CACNA1C: variants seen among roughly 807,000 people sequenced by gnomAD.
CACNA1C encodes calcium voltage-gated channel subunit alpha1 C.
Under a neutral mutation model 229.0 loss-of-function variants are expected in CACNA1C, and 30 were observed. The observed-to-expected ratio is 0.13, with a 90% confidence interval of 0.10 to 0.18. CACNA1C has a LOEUF of 0.18. Among genes scored for constraint, CACNA1C ranks in the 10% least tolerant of loss-of-function variants. The probability of loss-of-function intolerance (pLI) is 1.00; values close to 1 mark genes in which losing one functional copy is unlikely to be tolerated. For synonymous variants in CACNA1C, 1,114 were observed against 1,132.5 expected (o/e 0.98, Z 0.33); for missense variants, 1,658 against 2,845.0 (o/e 0.58, Z 9.49).
chr12:2,267,739 G>A (rs1238691549), intron 3 of CACNA1C, among the ~76,000 whole-genome samples: 4 of 152,144 alleles, frequency 2.6e-5, no homozygotes, highest in Non-Finnish European at 4.4e-5. Context: ...TCAGCTTCCC[G>A]CCCTCTCTGA....
chr12:2,034,607 A>C lies in CACNA1C; in HGVS notation c.139+63406A>C, dbSNP rs2048776727. Among the ~76,000 whole-genome samples the C allele has an allele frequency of 6.6e-6, 1 of 152,196 alleles. No individual in the cohort carries two copies. The highest frequency in any genetic ancestry group is 2.4e-5 in the African/African-American group (1 of 41,450). ...CTTCCCCAGCACACAGCTCAAAGAG[A>C]AGGCCAGTGTAATATGCTGGTTCAA... On this transcript the variant is annotated intron_variant, in intron 1 of 46. Transcript: ENST00000682462. This position sits in a 1 kb window ranked among gnomAD's most constrained non-coding sequence, Gnocchi z 4.1.
At chr12:2,401,044 C>T (rs532828119) in intron 3 of CACNA1C, among the ~76,000 whole-genome samples, 3 of 152,346 alleles carry the variant, frequency 2.0e-5, no homozygotes, top group Non-Finnish European at 2.9e-5. Context: ...TAGAAGCCCC[C>T]CAAGGCTTGG....
chr12:2,651,819 G>A lies in CACNA1C; in HGVS notation c.4074+51G>A, dbSNP rs897895972. ...CCGGGGAATCGCAGGGCTGCCGCGT[G>A]GCCCAGAACACAGCTGACACAAGGA... On this transcript the variant is annotated intron_variant, in intron 32 of 46. Coordinates refer to ENST00000399655, the MANE Select transcript of CACNA1C (RefSeq NM_000719.7). The surrounding 1 kb of genome is among the most constrained non-coding windows in gnomAD (Gnocchi z 5.4). 2 of 1,447,696 alleles carry A rather than the reference G, an allele frequency of 1.4e-6. No individual in the cohort carries two copies. The highest frequency in any genetic ancestry group is 2.8e-5 in the African/African-American group (2 of 71,900). 89.7% of individuals were successfully genotyped at this position (1,447,696 alleles called of 1,614,324 possible).
chr12:2,394,101 T>C (rs1196970916), intron 3 of CACNA1C, among the ~76,000 whole-genome samples: 1 of 136,478 alleles, frequency 7.3e-6, no homozygotes, highest in Non-Finnish European at 1.6e-5. Context: ...CAAGACCCTG[T>C]CTCTAAACAA....
intron 1 of CACNA1C, among the ~76,000 whole-genome samples, chr12:2,058,173 C>T (rs1247097240): frequency 2.6e-5 from 4 of 151,802 alleles, no homozygotes; most frequent in African/African-American, 9.7e-5. Context: ...TCTGAGAAGC[C>T]CTTGGCACTG....
chr12:2,112,219 G>A (rs2082038334), intron 1 of CACNA1C, among the ~76,000 whole-genome samples: 1 of 152,210 alleles, frequency 6.6e-6, no homozygotes, highest in Admixed American at 6.5e-5. Flanking sequence ...CATGCTTGCT[G>A]GGTGTTCAAG....
In CACNA1C at chr12:2,287,403, A is replaced by G. The variant is rs1401529791; in HGVS notation, c.478-161573A>G. Among the ~76,000 whole-genome samples the G allele has an allele frequency of 6.6e-6, 1 of 152,188 alleles. No homozygotes were observed. The highest frequency in any genetic ancestry group is 2.4e-5 in the African/African-American group (1 of 41,446). On this transcript the variant is annotated intron_variant, in intron 3 of 46. Transcript: ENST00000399655. The surrounding 1 kb of genome is among the most constrained non-coding windows in gnomAD (Gnocchi z 4.6). The stretch of plus-strand genomic sequence containing the variant: ...GTTCCAGAGAAATGAGGGAATGAGA[A>G]TGAACGTGGCTGCTCGTGTGTTCCG...
chr12:2,453,339 T>G (rs2099395851), intron 4 of CACNA1C, among the ~76,000 whole-genome samples: 1 of 152,160 alleles, frequency 6.6e-6, no homozygotes. Context: ...ATAAGTCACT[T>G]AAGAGCTCAA....
chr12:2,119,092 C>T (rs1164837645), intron 2 of CACNA1C, among the ~76,000 whole-genome samples: 3 of 152,148 alleles, frequency 2.0e-5, no homozygotes, highest in South Asian at 4.1e-4. Flanking sequence ...ACTTGGTGAT[C>T]GGGAAATCCG....
chr12:1,975,953 T>C (rs1366438009), intron 1 of CACNA1C, among the ~76,000 whole-genome samples: 1 of 152,174 alleles, frequency 6.6e-6, no homozygotes, highest in Non-Finnish European at 1.5e-5. Context: ...ACACTGTGTA[T>C]CTGCTTATGT....
intron 3 of CACNA1C, among the ~76,000 whole-genome samples, chr12:2,274,883 C>T (rs1168479976): frequency 6.6e-6 from 1 of 152,148 alleles, no homozygotes; most frequent in African/African-American, 2.4e-5. Flanking sequence ...GAGACAGTGT[C>T]TTCAAGTGTC....
intron 2 of CACNA1C, 141 bp downstream of exon 2, chr12:2,115,686 G>A (rs2083537928): frequency 1.3e-6 from 1 of 746,296 alleles, no homozygotes; most frequent in South Asian, 1.8e-5. Context: ...TGCATCACTG[G>A]GGTGCTGTGA....
At chr12:2,506,930 A>G (rs2099773185) in intron 8 of CACNA1C, among the ~76,000 whole-genome samples, 1 of 152,212 alleles carries the variant, frequency 6.6e-6, no homozygotes, top group African/African-American at 2.4e-5. Context: ...GCGTCTGCCC[A>G]GGAATCAAAG....
rs1451946120 is a variant in CACNA1C at position 2,035,045 on chromosome 12, GC to G, written c.139+63848del. ...CCGGTTCAGAGCCGCAACCGCGACA[GC>G]CCCGTCGTCCACCTCAGGTGCCGGC... On this transcript the variant is annotated intron_variant, in intron 1 of 46. Transcript: ENST00000682462. Among the ~76,000 whole-genome samples the G allele has an allele frequency of 3.3e-5, 5 of 152,350 alleles. No homozygotes were observed. In the East Asian group the frequency reaches 9.7e-4, roughly 29 times the overall value.
At chr12:2,432,387 G>A (rs987535274) in intron 3 of CACNA1C, among the ~76,000 whole-genome samples, 2 of 152,328 alleles carry the variant, frequency 1.3e-5, no homozygotes, top group East Asian at 3.9e-4. Context: ...TGCCAGGTGG[G>A]CTTTCAATGC....
At chr12:1,993,040 G>T in intron 1 of CACNA1C, 1 of 681,832 alleles carries the variant, frequency 1.5e-6, no homozygotes, top group South Asian at 1.8e-5. Flanking sequence ...AAAAGACAGG[G>T]TTTAGGTTTA....
chr12:2,114,941 C>A (rs912705338), intron 1 of CACNA1C, among the ~76,000 whole-genome samples: 1 of 152,206 alleles, frequency 6.6e-6, no homozygotes, highest in African/African-American at 2.4e-5. Flanking sequence ...GAGGTCCATA[C>A]GTGCTGTAAT....
chr12:2,610,811 G>C, intron 28 of CACNA1C, 112 bp downstream of exon 28: 1 of 1,079,046 alleles, frequency 9.3e-7, no homozygotes, highest in Non-Finnish European at 1.4e-6. Context: ...TGGTCACCAA[G>C]GGAGGCATTT....
upstream of CACNA1C, among the ~76,000 whole-genome samples, chr12:2,052,763 C>A (rs2052604518): frequency 6.9e-6 from 1 of 145,528 alleles, no homozygotes; most frequent in South Asian, 2.1e-4. Context: ...GGCGGCGCTG[C>A]CGCGGGCGCC....
Sources: gnomAD v4.1 joint callset for allele counts (sites outside exome capture counted in the v4.1 genomes callset) on GRCh38, gnomAD v4.1.1 for gene constraint, Gnocchi (gnomAD v3.1) non-coding constraint, MANE v1.5 for transcripts, NCBI Gene and HGNC (gene_info 2026-07-23, HGNC 2026-07-21) for gene names.